ABCG2: variants seen among roughly 807,000 people sequenced by gnomAD.
The protein encoded by ABCG2 is broad substrate specificity ATP-binding cassette transporter ABCG2.
A neutral mutation model predicts 73.5 loss-of-function variants in ABCG2; 80 were observed. That is an observed-to-expected ratio of 1.09 (90% confidence interval 0.91 to 1.31). The LOEUF (loss-of-function observed/expected upper bound fraction) is 1.31, where lower values mean the gene tolerates loss of function less well. Among genes scored for constraint, ABCG2 ranks in the 50% most tolerant of loss-of-function variants. The pLI is 0.00. For synonymous variants in ABCG2, 269 were observed against 282.4 expected, an observed-to-expected ratio of 0.95 and a Z score of 0.48; for missense variants, 796 against 786.2, an observed-to-expected ratio of 1.01 and a Z score of -0.15.
chr4:88,099,879 T>C (rs1560654266), intron 11 of ABCG2, among the ~76,000 whole-genome samples: 1 of 152,156 alleles, frequency 6.6e-6, no homozygotes. Context: ...TGGCCTGTTA[T>C]TCTCCAAGCC....
chr4:88,215,735 C>G (rs148308931), intron 1 of ABCG2, among the ~76,000 whole-genome samples: 124 of 152,226 alleles, frequency 8.1e-4, no homozygotes, highest in African/African-American at 3.0e-3. Context: ...CTGCTGTGCC[C>G]CCTGGCAAGG....
At chr4:88,181,326 G>A (rs1335644309) in intron 1 of ABCG2, among the ~76,000 whole-genome samples, 3 of 147,808 alleles carry the variant, frequency 2.0e-5, no homozygotes, top group African/African-American at 7.6e-5. Flanking sequence ...CTTGAACCCA[G>A]GAGGCAGAGG....
chr4:88,103,438 AT>A (rs1185296437), intron 10 of ABCG2, among the ~76,000 whole-genome samples: 4 of 152,062 alleles, frequency 2.6e-5, no homozygotes, highest in Non-Finnish European at 5.9e-5. Flanking sequence ...TTTTATTTTG[AT>A]TTTTTAAATT....
At chr4:88,107,148 A>C (rs1330255445) in intron 10 of ABCG2, 36 bp downstream of exon 10, 3 of 1,439,156 alleles carry the variant, frequency 2.1e-6, no homozygotes, top group Non-Finnish European at 2.9e-6. Context: ...AGAAAGTAAC[A>C]GCATTTTCTG....
At chr4:88,153,738 G>C (rs1726714477) in intron 1 of ABCG2, among the ~76,000 whole-genome samples, 1 of 152,090 alleles carries the variant, frequency 6.6e-6, no homozygotes, top group Non-Finnish European at 1.5e-5. Context: ...CCTATCCAGT[G>C]AAAGTGTCTA....
intron 2 of ABCG2, among the ~76,000 whole-genome samples, chr4:88,139,579 C>T (rs1197702017): frequency 3.3e-5 from 5 of 152,164 alleles, no homozygotes; most frequent in East Asian, 1.9e-4. Context: ...TTAAAAAAGT[C>T]TGGCAGTTAC....
In ABCG2 at chr4:88,185,105, G is replaced by A. The variant is rs528022080; in HGVS notation, c.-19-45091C>T. 3.3e-5 allele frequency among the ~76,000 whole-genome samples: 5 copies of A among 152,312 alleles called. 1 individual carries two copies. The South Asian group carries it at 8.3e-4, about 25-fold the overall frequency. On this transcript the variant is annotated intron_variant, in intron 1 of 15. Coordinates refer to the ABCG2 transcript ENST00000515655. The stretch of plus-strand genomic sequence containing the variant: ...TGGATGGGCGAGGTGGCTCACACCT[G>A]TAATCCCTACACTTTGGGAGGTCAA...
chr4:88,130,073 A>G (rs1203385963), intron 5 of ABCG2, among the ~76,000 whole-genome samples: 1 of 152,238 alleles, frequency 6.6e-6, no homozygotes, highest in African/African-American at 2.4e-5. Flanking sequence ...TAAATGAGAA[A>G]TAAATCCTAA....
At chr4:88,204,270 A>C (rs1417613210) in intron 1 of ABCG2, among the ~76,000 whole-genome samples, 2 of 152,044 alleles carry the variant, frequency 1.3e-5, no homozygotes, top group Admixed American at 6.5e-5. Context: ...AAATACAAAA[A>C]ATTAGCCGGG....
chr4:88,186,014 T>C (rs1006592916), intron 1 of ABCG2, among the ~76,000 whole-genome samples: 1 of 152,156 alleles, frequency 6.6e-6, no homozygotes, highest in African/African-American at 2.4e-5. Context: ...GCTTGGTATA[T>C]ACCCCCAAAA....
intron 1 of ABCG2, among the ~76,000 whole-genome samples, chr4:88,154,628 G>C (rs1386029982): frequency 3.9e-5 from 6 of 152,174 alleles, no homozygotes; most frequent in Non-Finnish European, 8.8e-5. Context: ...GAAATATGCG[G>C]AAATGGGGTG....
chr4:88,133,973 G>A (rs1725076564), intron 2 of ABCG2, among the ~76,000 whole-genome samples: 1 of 151,760 alleles, frequency 6.6e-6, no homozygotes, highest in Non-Finnish European at 1.5e-5. Flanking sequence ...ACTCCAGCCT[G>A]GGCAACAGAG....
At chr4:88,190,947 C>G (rs1728662997) in intron 1 of ABCG2, among the ~76,000 whole-genome samples, 1 of 151,558 alleles carries the variant, frequency 6.6e-6, no homozygotes, top group Non-Finnish European at 1.5e-5. Context: ...TAAAAAGGGG[C>G]AAAAATTGGC....
At chr4:88,117,102 T>C (rs1723628311) in intron 7 of ABCG2, among the ~76,000 whole-genome samples, 2 of 151,464 alleles carry the variant, frequency 1.3e-5, no homozygotes, top group Non-Finnish European at 2.9e-5. Context: ...CCACAGCAGA[T>C]TGCTTTAGCT....
chr4:88,114,898 T>G (rs1353863659), intron 8 of ABCG2, 59 bp downstream of exon 8: 5 of 1,174,150 alleles, frequency 4.3e-6, no homozygotes, highest in Non-Finnish European at 6.2e-6. Flanking sequence ...GCCACCACAT[T>G]GCTAAACTTC....
At position 88,188,386 on chromosome 4, in the gene ABCG2, GT is replaced by G. The variant is rs925139251; in HGVS notation, c.-20+42607del. The stretch of plus-strand genomic sequence containing the variant: ...CACTATTTTAATTACAATTAACTTT[GT>G]TTTTTTTTTTAATTTAATAGAGATG... On this transcript the variant is annotated intron_variant, in intron 1 of 15. Coordinates refer to the ABCG2 transcript ENST00000515655. Among the ~76,000 whole-genome samples the G allele has an allele frequency of 3.8e-3, 551 of 146,212 alleles. 3 individuals are homozygous for G. Among genetic ancestry groups the G allele is most frequent in the African/African-American group, 0.012 (485 of 40,008 alleles).
intron 1 of ABCG2, among the ~76,000 whole-genome samples, chr4:88,180,606 G>A (rs767219497): frequency 6.6e-6 from 1 of 152,064 alleles, no homozygotes; most frequent in South Asian, 2.1e-4. Flanking sequence ...TTTTTTTATG[G>A]AAATGGTGGT....
chr4:88,213,775 C>T (rs1729693331), intron 1 of ABCG2, among the ~76,000 whole-genome samples: 2 of 151,126 alleles, frequency 1.3e-5, no homozygotes, highest in East Asian at 2.0e-4. Context: ...CTCCGCCTCC[C>T]GGATTCAAGC....
chr4:88,104,793 C>T lies in ABCG2; in HGVS notation c.1277+2391G>A, dbSNP rs529579507. Among the ~76,000 whole-genome samples, 90 of 152,232 alleles carry T rather than the reference C, an allele frequency of 5.9e-4. 1 individual carries two copies. The South Asian group carries it at 0.012, about 21-fold the overall frequency. ...ATATTGTGAGATTCTGTTTCAAAAA[C>T]AAACAAATTAAAATAAGATTAATGC... On this transcript the variant is annotated intron_variant, in intron 10 of 15. Transcript: ENST00000237612.
Sources: allele counts gnomAD v4.1 joint callset (sites outside exome capture counted in the v4.1 genomes callset), GRCh38; gene constraint gnomAD v4.1.1; transcripts MANE v1.5; gene names NCBI Gene and HGNC (gene_info 2026-07-23, HGNC 2026-07-21).